PIK3C2G: variants seen among roughly 807,000 people sequenced by gnomAD.
The protein encoded by PIK3C2G is phosphatidylinositol-4-phosphate 3-kinase catalytic subunit type 2 gamma.
PIK3C2G carries 168 observed loss-of-function variants against 181.1 expected under a neutral mutation model. The observed-to-expected ratio is 0.93, with a 90% CI of 0.82 to 1.05. PIK3C2G has a LOEUF of 1.05. Ranked by LOEUF, PIK3C2G falls within the 50% of genes least tolerant of loss-of-function variation. PIK3C2G has a pLI of 0.00. For synonymous variants in PIK3C2G, 573 were observed against 592.2 expected (o/e 0.97, Z 0.47); for missense variants, 1,869 against 1,732.8 (o/e 1.08, Z -1.40).
chr12:18,415,661 GGCTTCTTGT>G (rs2135667335), intron 16 of PIK3C2G, among the ~76,000 whole-genome samples: 1 of 152,334 alleles, frequency 6.6e-6, no homozygotes, highest in African/African-American at 2.4e-5. Context: ...CTAAAAGCTA[GGCTTCTTGT>G]GCCAAACAGT....
At chr12:18,719,667 C>G in the PIK3C2G span, 1 of 1,429,600 alleles carries the variant, frequency 7.0e-7, no homozygotes, top group Non-Finnish European at 9.6e-7. Flanking sequence ...TAAAAGGATG[C>G]AAAAATACCA....
intron 25 of PIK3C2G, among the ~76,000 whole-genome samples, chr12:18,543,428 C>T (rs1224882806): frequency 2.6e-5 from 4 of 151,918 alleles, no homozygotes; most frequent in South Asian, 2.1e-4. Context: ...GCTCTCATTG[C>T]GATTGCTTTT....
chr12:18,274,099 T>C (rs1279395377), intron 1 of PIK3C2G, among the ~76,000 whole-genome samples: 1 of 152,068 alleles, frequency 6.6e-6, no homozygotes, highest in East Asian at 1.9e-4. Context: ...AAAACCACAA[T>C]GAGATACCAC....
At chr12:18,278,992 A>G (rs1044638002) in intron 1 of PIK3C2G, among the ~76,000 whole-genome samples, 3 of 152,018 alleles carry the variant, frequency 2.0e-5, no homozygotes, top group Non-Finnish European at 4.4e-5. Flanking sequence ...CTTCTAACCC[A>G]TTTCAAGCTT....
At chr12:18,585,258 A>G (rs1253877151) in intron 29 of PIK3C2G, among the ~76,000 whole-genome samples, 1 of 152,140 alleles carries the variant, frequency 6.6e-6, no homozygotes, top group Non-Finnish European at 1.5e-5. Context: ...TGGATAGAAA[A>G]GCAAGACCCA....
intron 18 of PIK3C2G, among the ~76,000 whole-genome samples, chr12:18,463,019 C>G (rs1208822818): frequency 6.6e-6 from 1 of 152,072 alleles, no homozygotes; most frequent in African/African-American, 2.4e-5. Context: ...ATTGGATACA[C>G]TTAAAAATAG....
At position 18,562,870 on chromosome 12, in the gene PIK3C2G, G is replaced by T; in HGVS notation, c.3758G>T (p.Gly1253Val). The change falls in exon 27 of 33, where the codon GGG (glycine) becomes GTG (valine). Residue 1253 changes from glycine (G) to valine (V), a missense_variant. Physicochemically the swap from Gly to Val is moderately radical, Grantham distance 109. Transcript: ENST00000538779. ...TCGATTGAAAGAGCAACAATTTTAGGGTTCAGCAAGAAATCCAGTAATGTA... is the reference window on the plus strand; with the variant it reads ...TCGATTGAAAGAGCAACAATTTTAGTGTTCAGCAAGAAATCCAGTAATGTA... ...TRSIERATIL[G>V]FSKKSSNLYL... The T allele has an allele frequency of 6.2e-7, 1 of 1,600,210 alleles. No individual in the cohort carries two copies. The highest frequency in any genetic ancestry group is 8.5e-7 in the Non-Finnish European group (1 of 1,172,232).
intron 24 of PIK3C2G, among the ~76,000 whole-genome samples, chr12:18,529,347 T>TCTTA (rs947588172): frequency 2.0e-5 from 3 of 152,148 alleles, no homozygotes; most frequent in African/African-American, 7.2e-5. Flanking sequence ...TTAAGATTTT[T>TCTTA]CTTACTTTTT....
At chr12:18,310,159 T>C (rs1441497012) in intron 5 of PIK3C2G, among the ~76,000 whole-genome samples, 2 of 151,892 alleles carry the variant, frequency 1.3e-5, no homozygotes, top group Admixed American at 6.6e-5. Flanking sequence ...AAATCTAAAA[T>C]GATTTTCCAT....
At chr12:18,387,872 A>G (rs897935176) in intron 14 of PIK3C2G, among the ~76,000 whole-genome samples, 3 of 152,200 alleles carry the variant, frequency 2.0e-5, no homozygotes, top group African/African-American at 7.2e-5. Context: ...GTATGTCTCA[A>G]TTTAGCCCTT....
At chr12:18,338,871 C>T (rs187576227) in intron 9 of PIK3C2G, among the ~76,000 whole-genome samples, 12 of 152,032 alleles carry the variant, frequency 7.9e-5, no homozygotes, top group Admixed American at 1.3e-4. Context: ...TACAATCCTA[C>T]CTAAATGAAC....
chr12:18,500,064 A>G lies in PIK3C2G; in HGVS notation c.3016+2316A>G, dbSNP rs554514992. On this transcript the variant is annotated intron_variant, in intron 22 of 32. Transcript: ENST00000538779. ...TTTGGCGGCACTTGAGGAGCCCTTCAGCCGGCCGCTGCTGTGTGGGAGCCC... is the reference window on the plus strand; with the variant it reads ...TTTGGCGGCACTTGAGGAGCCCTTCGGCCGGCCGCTGCTGTGTGGGAGCCC... Among the ~76,000 whole-genome samples, 80 of 152,270 alleles carry G rather than the reference A, an allele frequency of 5.3e-4. 1 individual carries two copies. The South Asian group carries it at 0.016, about 31-fold the overall frequency.
At chr12:18,421,338 C>T (rs1011406091) in intron 17 of PIK3C2G, among the ~76,000 whole-genome samples, 7 of 151,750 alleles carry the variant, frequency 4.6e-5, no homozygotes, top group Admixed American at 2.0e-4. Context: ...ATAAAAATTA[C>T]CAAATAAATG....
Position 18,345,978 on chromosome 12 carries a change from A to C in PIK3C2G, c.1430-663A>C, listed in dbSNP as rs12316427. Among the ~76,000 whole-genome samples the C allele has an allele frequency of 4.1e-3, 630 of 152,308 alleles. 1 individual carries two copies. The highest frequency in any genetic ancestry group is 0.014 in the African/African-American group (593 of 41,572). ...CAGAGGAAAACTATTAGCTCCTATA[A>C]CTAGTAATTTTTCATTTTTCTTCTT... On this transcript the variant is annotated intron_variant, in intron 10 of 32. Transcript: ENST00000538779.
intron 31 of PIK3C2G, among the ~76,000 whole-genome samples, chr12:18,618,622 C>T (rs1948709914): frequency 6.6e-6 from 1 of 151,914 alleles, no homozygotes; most frequent in African/African-American, 2.4e-5. Flanking sequence ...GTTGAAAAGA[C>T]AATAGATACA....
At chr12:18,649,968 C>T (rs1299075108), downstream of PIK3C2G, among the ~76,000 whole-genome samples, 1 of 151,786 alleles carries the variant, frequency 6.6e-6, no homozygotes, top group Non-Finnish European at 1.5e-5. Flanking sequence ...CCCTTGCTCC[C>T]CTTTCCCATC....
chr12:18,365,306 C>A (rs1423523372), intron 12 of PIK3C2G, among the ~76,000 whole-genome samples: 2 of 152,346 alleles, frequency 1.3e-5, no homozygotes, highest in African/African-American at 4.8e-5. Context: ...CTGCTCCATC[C>A]TCCTGCCAGC....
chr12:18,655,526 A>G, the PIK3C2G span, among the ~76,000 whole-genome samples: 1 of 152,194 alleles, frequency 6.6e-6, no homozygotes, highest in Non-Finnish European at 1.5e-5. Context: ...CATATGAGCT[A>G]TGCATAGTGA....
At chr12:18,270,736 A>G (rs897642598) in intron 1 of PIK3C2G, among the ~76,000 whole-genome samples, 3 of 152,196 alleles carry the variant, frequency 2.0e-5, no homozygotes, top group Non-Finnish European at 2.9e-5. Flanking sequence ...GAATAGTTTC[A>G]TATTCTAAAA....
Sources: allele counts gnomAD v4.1 joint callset (sites outside exome capture counted in the v4.1 genomes callset), GRCh38; gene constraint gnomAD v4.1.1; transcripts MANE v1.5; gene names NCBI Gene and HGNC (gene_info 2026-07-23, HGNC 2026-07-21).